The following NRXN1 variants were observed in gnomAD, a reference collection of about 807,000 sequenced individuals.
The protein encoded by NRXN1 is neurexin 1.
In NRXN1, 39 loss-of-function variants were observed where a neutral mutation model predicts 150.9. The ratio of observed to expected loss-of-function variants is 0.26; its 90% CI spans 0.20 to 0.34. The LOEUF is 0.34. NRXN1 is among the 10% of genes least tolerant of loss of function. The probability of loss-of-function intolerance (pLI) is 1.00; values close to 1 mark genes in which losing one functional copy is unlikely to be tolerated. For synonymous variants in NRXN1, 924 were observed against 757.0 expected (o/e 1.22, Z -3.62); for missense variants, 1,815 against 1,949.9 (o/e 0.93, Z 1.30).
chr2:50,110,406 G>A (rs969771380), intron 18 of NRXN1, among the ~76,000 whole-genome samples: 14 of 151,150 alleles, frequency 9.3e-5, no homozygotes, highest in African/African-American at 3.4e-4. Flanking sequence ...GCAAGAGAAT[G>A]GCGTGAAGCC....
At chr2:50,454,867 G>C (rs1359121861) in intron 17 of NRXN1, among the ~76,000 whole-genome samples, 2 of 152,120 alleles carry the variant, frequency 1.3e-5, no homozygotes, top group Non-Finnish European at 2.9e-5. Flanking sequence ...GTAAATATTT[G>C]GGTTCAGAAG....
rs1668259847 is a variant in NRXN1, at chr2:49,921,849, A to T, written c.*95T>A. On this transcript the variant is annotated 3_prime_UTR_variant, in exon 23 of 23. Transcript: ENST00000401669. ...GATTGCATTCCCTGTCTTCTTTTGT[A>T]TGTGCTTCATAAAAAGGAAAGTAAA... 1 of 1,245,832 alleles carries T rather than the reference A, an allele frequency of 8.0e-7. No homozygotes were observed. Among genetic ancestry groups the T allele is most frequent in the Non-Finnish European group, 1.1e-6 (1 of 878,158 alleles). 77.2% of individuals were successfully genotyped at this position (1,245,832 alleles called of 1,614,324 possible).
chr2:50,768,734 G>A (rs1437087455), intron 5 of NRXN1, among the ~76,000 whole-genome samples: 1 of 151,896 alleles, frequency 6.6e-6, no homozygotes, highest in African/African-American at 2.4e-5. Context: ...GGTTGCAGCT[G>A]GGTCACCGAA....
chr2:50,363,971 T>C (rs1480402095), intron 17 of NRXN1, among the ~76,000 whole-genome samples: 1 of 152,184 alleles, frequency 6.6e-6, no homozygotes, highest in Non-Finnish European at 1.5e-5. Flanking sequence ...ACCATCATTC[T>C]TAGCAAACTA....
intron 5 of NRXN1, among the ~76,000 whole-genome samples, chr2:50,894,799 T>A (rs1422384845): frequency 2.0e-5 from 3 of 152,166 alleles, no homozygotes; most frequent in African/African-American, 7.2e-5. Context: ...GTTTCTACAT[T>A]TTTAAATTAA....
rs539199853 is a variant in NRXN1, at chr2:50,700,911, C to T, written c.833-77296G>A. On this transcript the variant is annotated intron_variant, in intron 5 of 22. Transcript: ENST00000401669. ...TCAGTCTCCTGACCTCGTGATCTGC[C>T]CGCCTCGGCCTCCGAAAGTGCTGGG... Among the ~76,000 whole-genome samples the T allele has an allele frequency of 4.6e-5, 7 of 152,022 alleles. No individual in the cohort carries two copies. The East Asian group carries it at 1.2e-3, about 25-fold the overall frequency.
chr2:50,333,295 G>A (rs77599634), intron 17 of NRXN1, among the ~76,000 whole-genome samples: 6,020 of 152,200 alleles, frequency 0.04, 391 homozygotes, highest in African/African-American at 0.13. Context: ...TAAAGTGACC[G>A]GGCTGCAACG....
intron 17 of NRXN1, among the ~76,000 whole-genome samples, chr2:50,414,142 AG>A (rs2104135564): frequency 6.6e-6 from 1 of 152,278 alleles, no homozygotes; most frequent in South Asian, 2.1e-4. Context: ...ATATCACAAC[AG>A]GGTTACTATA....
rs2090237867 is a variant in NRXN1, at chr2:50,479,167, C to T, written c.3071-6696G>A. ...AACTATCTTTCAAAAATAACTTTTG[C>T]CAGGTAGAAGATTGAAATAATATCT... is the stretch of plus-strand genomic sequence containing the variant. On this transcript the variant is annotated intron_variant, in intron 15 of 22. Coordinates refer to ENST00000401669, the MANE Select transcript of NRXN1 (RefSeq NM_001330078.2). Among the ~76,000 whole-genome samples the T allele has an allele frequency of 2.0e-5, 3 of 152,186 alleles. No homozygotes were observed. In the South Asian group the frequency reaches 6.2e-4, roughly 32 times the overall value.
intron 18 of NRXN1, among the ~76,000 whole-genome samples, chr2:50,138,376 T>C (rs1200820896): frequency 6.6e-6 from 1 of 152,120 alleles, no homozygotes; most frequent in Non-Finnish European, 1.5e-5. Flanking sequence ...AAGAAAATAA[T>C]GCAAACTGAA....
chr2:50,948,406 G>A (rs549859685), intron 2 of NRXN1, among the ~76,000 whole-genome samples: 2 of 152,084 alleles, frequency 1.3e-5, no homozygotes, highest in East Asian at 3.9e-4. Context: ...AAAATAGCCA[G>A]ATAACAAAAG....
At chr2:50,559,244 G>C (rs577399675) in intron 8 of NRXN1, among the ~76,000 whole-genome samples, 1 of 152,330 alleles carries the variant, frequency 6.6e-6, no homozygotes, top group East Asian at 1.9e-4. Context: ...CAAGTGAAAA[G>C]TACAAGCGTC....
At position 50,271,931 on chromosome 2, in the gene NRXN1, C is replaced by T. The variant is rs183928918; in HGVS notation, c.3365-34961G>A. Reference sequence around the variant, plus strand: ...CTGAAACTTGGACCTAGGTAAAGGACGAAGCACTAGGTCAAAAGCCACCCG... The same window carrying T: ...CTGAAACTTGGACCTAGGTAAAGGATGAAGCACTAGGTCAAAAGCCACCCG... On this transcript the variant is annotated intron_variant, in intron 17 of 22. Coordinates refer to ENST00000401669, the MANE Select transcript of NRXN1 (RefSeq NM_001330078.2). Among the ~76,000 whole-genome samples, 394 of 152,142 alleles carry T rather than the reference C, an allele frequency of 2.6e-3. 1 individual carries two copies. The highest frequency in any genetic ancestry group is 8.8e-3 in the African/African-American group (367 of 41,504).
chr2:50,522,195 T>C (rs2092807609), intron 12 of NRXN1, among the ~76,000 whole-genome samples: 1 of 152,198 alleles, frequency 6.6e-6, no homozygotes, highest in Non-Finnish European at 1.5e-5. Flanking sequence ...TGCTGTGTTC[T>C]CTTAGATTTG....
chr2:50,370,205 T>G (rs1050429366), intron 17 of NRXN1, among the ~76,000 whole-genome samples: 1 of 152,032 alleles, frequency 6.6e-6, no homozygotes, highest in Non-Finnish European at 1.5e-5. Context: ...GCAGGGTACA[T>G]GTTTGATGTT....
intron 2 of NRXN1, among the ~76,000 whole-genome samples, chr2:50,950,274 T>C: frequency 6.6e-6 from 1 of 152,134 alleles, no homozygotes; most frequent in East Asian, 1.9e-4. Flanking sequence ...AAAATAGAAA[T>C]GTGTGGACTT....
intron 5 of NRXN1, among the ~76,000 whole-genome samples, chr2:50,637,742 C>G (rs547678000): frequency 4.6e-5 from 7 of 152,124 alleles, no homozygotes; most frequent in Non-Finnish European, 7.4e-5. Context: ...CCAGATCAGT[C>G]TTTGTGGCTG....
chr2:50,799,144 T>C (rs1339132167), intron 5 of NRXN1, among the ~76,000 whole-genome samples: 4 of 152,192 alleles, frequency 2.6e-5, no homozygotes, highest in African/African-American at 9.6e-5. Context: ...ATAAGCTAAA[T>C]TTCCTCTGTT....
At chr2:50,095,215 G>C (rs958172490) in intron 18 of NRXN1, among the ~76,000 whole-genome samples, 3 of 152,154 alleles carry the variant, frequency 2.0e-5, no homozygotes, top group African/African-American at 7.2e-5. Flanking sequence ...AAAAGTGAAC[G>C]GATGACCTTT....
Sources: allele counts gnomAD v4.1 joint callset (sites outside exome capture counted in the v4.1 genomes callset), GRCh38; gene constraint gnomAD v4.1.1; transcripts MANE v1.5; gene names NCBI Gene and HGNC (gene_info 2026-07-23, HGNC 2026-07-21).